The following GLDC variants were observed in gnomAD, a reference collection of about 807,000 sequenced individuals.
GLDC encodes the protein glycine decarboxylase.
GLDC carries 104 observed loss-of-function variants against 121.3 expected under a neutral mutation model. The observed-to-expected ratio is 0.86, with a 90% CI of 0.73 to 1.01. The LOEUF is 1.01. Among genes scored for constraint, GLDC ranks in the 50% least tolerant of loss-of-function variants. GLDC has a pLI of 0.00. For synonymous variants in GLDC, 546 were observed against 480.6 expected (o/e 1.14, Z -1.78); for missense variants, 1,429 against 1,306.6 (o/e 1.09, Z -1.44).
At chr9:6,593,051 A>T in intron 9 of GLDC, 61 bp from the exon 10 acceptor site, 1 of 1,547,142 alleles carries the variant, frequency 6.5e-7, no homozygotes, top group Non-Finnish European at 8.9e-7. Flanking sequence ...AGCCATTGAC[A>T]TGTCACAGAA....
chr9:6,590,851 A>C (rs1327157786), intron 11 of GLDC, among the ~76,000 whole-genome samples: 1 of 152,216 alleles, frequency 6.6e-6, no homozygotes, highest in Non-Finnish European at 1.5e-5. Context: ...TGAGGTTTAA[A>C]AGAGAACACT....
chr9:6,578,873 C>G lies in GLDC; in HGVS notation c.1850+8268G>C, dbSNP rs1003473808. On this transcript the variant is annotated intron_variant, in intron 15 of 24. Transcript: ENST00000321612. ...GTTCTCCTTGTGATTCCTCTTTGTTCCACTGGTTATTTATAAGGGTGTTAT... is the reference window on the plus strand; with the variant it reads ...GTTCTCCTTGTGATTCCTCTTTGTTGCACTGGTTATTTATAAGGGTGTTAT... Among the ~76,000 whole-genome samples the G allele has an allele frequency of 3.1e-4, 47 of 152,138 alleles. 1 individual carries two copies. Among genetic ancestry groups the G allele is most frequent in the Non-Finnish European group, 2.9e-5 (2 of 68,026 alleles).
chr9:6,619,331 A>G (rs1404326241), intron 3 of GLDC, among the ~76,000 whole-genome samples: 1 of 151,926 alleles, frequency 6.6e-6, no homozygotes, highest in African/African-American at 2.4e-5. Flanking sequence ...AATAAAGCTG[A>G]TATTATGATC....
At chr9:6,611,300 C>G (rs1004222069) in intron 3 of GLDC, among the ~76,000 whole-genome samples, 1 of 152,208 alleles carries the variant, frequency 6.6e-6, no homozygotes, top group African/African-American at 2.4e-5. Flanking sequence ...GCTACCACAC[C>G]TCACCTATTT....
chr9:6,622,015 C>T (rs139301441), intron 2 of GLDC, among the ~76,000 whole-genome samples: 262 of 152,180 alleles, frequency 1.7e-3, no homozygotes, highest in African/African-American at 6.1e-3. Flanking sequence ...CAGAGAAAAA[C>T]GTAGGTAAAG....
chr9:6,578,770 T>G (rs771160309), intron 15 of GLDC, among the ~76,000 whole-genome samples: 1 of 152,190 alleles, frequency 6.6e-6, no homozygotes, highest in Non-Finnish European at 1.5e-5. Context: ...TGGGATCAAG[T>G]GATCCTCCTG....
intron 22 of GLDC, 139 bp from the exon 23 acceptor site, chr9:6,536,375 C>T: frequency 2.5e-6 from 2 of 790,934 alleles, no homozygotes; most frequent in Non-Finnish European, 4.3e-6. Context: ...TGTGGGGACT[C>T]ATCTCAGTGC....
chr9:6,588,357 A>C (rs1443754385), intron 14 of GLDC, 44 bp downstream of exon 14: 1 of 1,400,846 alleles, frequency 7.1e-7, no homozygotes, highest in East Asian at 2.3e-5. Flanking sequence ...AAGCTAGAAC[A>C]CTGCCCCTTG....
intron 2 of GLDC, among the ~76,000 whole-genome samples, chr9:6,632,717 G>A (rs777728975): frequency 3.9e-5 from 6 of 152,196 alleles, no homozygotes; most frequent in South Asian, 2.1e-4. Flanking sequence ...CTCCTGAGGC[G>A]GGTCACTGAG....
intron 2 of GLDC, among the ~76,000 whole-genome samples, chr9:6,642,634 A>C (rs982475065): frequency 2.0e-5 from 3 of 152,226 alleles, no homozygotes; most frequent in African/African-American, 7.2e-5. Context: ...CTTAATGTTC[A>C]AATTATTCAG....
chr9:6,639,775 C>CT (rs1167432262), intron 2 of GLDC, among the ~76,000 whole-genome samples: 1 of 151,164 alleles, frequency 6.6e-6, no homozygotes, highest in East Asian at 1.9e-4. Flanking sequence ...TCACCCACAC[C>CT]TGTCCAGGAA....
intron 8 of GLDC, among the ~76,000 whole-genome samples, chr9:6,598,660 G>A (rs1308558319): frequency 6.6e-6 from 1 of 152,224 alleles, no homozygotes; most frequent in African/African-American, 2.4e-5. Context: ...TGAAACTGGA[G>A]TTATGAGTAA....
intron 15 of GLDC, among the ~76,000 whole-genome samples, chr9:6,582,520 C>G (rs1225771222): frequency 6.9e-6 from 1 of 144,150 alleles, no homozygotes; most frequent in Admixed American, 6.9e-5. Flanking sequence ...GGCTCCATCT[C>G]AAAAAAAAAA....
chr9:6,577,165 G>A (rs917806708), intron 15 of GLDC, among the ~76,000 whole-genome samples: 1 of 152,258 alleles, frequency 6.6e-6, no homozygotes, highest in Non-Finnish European at 1.5e-5. Flanking sequence ...AGAGCCAGCA[G>A]CGCCACACGC....
chr9:6,605,742 G>T (rs1012569254), intron 5 of GLDC: 4 of 239,760 alleles, frequency 1.7e-5, no homozygotes, highest in Non-Finnish European at 2.5e-5. Context: ...GTATGGGTAG[G>T]GGGAAGAATG....
At chr9:6,613,912 G>C (rs1314813868) in intron 3 of GLDC, among the ~76,000 whole-genome samples, 1 of 152,100 alleles carries the variant, frequency 6.6e-6, no homozygotes, top group Non-Finnish European at 1.5e-5. Context: ...GAGTAGCTGG[G>C]ATTACAGGTG....
intron 16 of GLDC, 146 bp from the exon 17 acceptor site, chr9:6,558,830 A>G (rs560640272): frequency 3.0e-4 from 269 of 882,762 alleles, no homozygotes; most frequent in South Asian, 2.6e-3. Flanking sequence ...AAAATCTGCT[A>G]CAATTTAATT....
intron 8 of GLDC, among the ~76,000 whole-genome samples, chr9:6,596,105 A>G (rs574866248): frequency 1.4e-4 from 21 of 152,342 alleles, no homozygotes; most frequent in African/African-American, 4.8e-4. Context: ...AGCACTTTAC[A>G]GCTGTGGAAA....
At position 6,556,188 on chromosome 9, in the gene GLDC, G is replaced by C. The variant is rs779434645; in HGVS notation, c.2167C>G (p.Gln723Glu). Residue 723 changes from glutamine to glutamate, a missense_variant, in exon 18 of 25, where the codon CAG becomes GAG. By Grantham distance (29) the Gln-to-Glu change is conservative. Coordinates refer to ENST00000321612, the MANE Select transcript of GLDC (RefSeq NM_000170.3). ...VCDLIHQHGG[Q>E]VYLDGANMNA... ...ATATTTGCCCCGTCTAGGTAGACCT[G>C]TCCTCCATGTTGATGGATGAGGTCA... 1.2e-6 allele frequency: 2 copies of C among 1,613,146 alleles called. No individual in the cohort carries two copies. Among genetic ancestry groups the C allele is most frequent in the South Asian group, 1.1e-5 (1 of 91,046 alleles).
Sources: allele counts gnomAD v4.1 joint callset (sites outside exome capture counted in the v4.1 genomes callset), GRCh38; gene constraint gnomAD v4.1.1; transcripts MANE v1.5; gene names NCBI Gene and HGNC (gene_info 2026-07-23, HGNC 2026-07-21).